DAB1: variants seen among roughly 807,000 people sequenced by gnomAD.
The protein encoded by DAB1 is disabled homolog 1.
DAB1 carries 15 observed loss-of-function variants against 64.6 expected under a neutral mutation model. The observed-to-expected ratio is 0.23, with a 90% CI of 0.16 to 0.36. The LOEUF (loss-of-function observed/expected upper bound fraction) is 0.36. DAB1 is among the 10% of genes least tolerant of loss of function. DAB1 has a pLI of 1.00. For synonymous variants in DAB1, 235 were observed against 251.9 expected, an observed-to-expected ratio of 0.93 and a Z score of 0.64; for missense variants, 596 against 706.7, an observed-to-expected ratio of 0.84 and a Z score of 1.78.
chr1:57,125,484 T>C (rs1243373796), intron 4 of DAB1, among the ~76,000 whole-genome samples: 1 of 152,072 alleles, frequency 6.6e-6, no homozygotes, highest in Non-Finnish European at 1.5e-5. Flanking sequence ...ATAGTAGGTA[T>C]CATATAATCT....
At chr1:57,567,156 A>G (rs1383284927) in intron 7 of DAB1, among the ~76,000 whole-genome samples, 4 of 152,222 alleles carry the variant, frequency 2.6e-5, no homozygotes, top group Non-Finnish European at 5.9e-5. Flanking sequence ...CAGCATATAA[A>G]CAGAACCAAA....
At chr1:58,006,540 T>C (rs1405530931) in intron 5 of DAB1, among the ~76,000 whole-genome samples, 1 of 152,182 alleles carries the variant, frequency 6.6e-6, no homozygotes, top group Non-Finnish European at 1.5e-5. Flanking sequence ...AGGCAAGGCA[T>C]GAGGTCCTGT....
At chr1:57,252,573 A>C (rs979157912) in intron 2 of DAB1, among the ~76,000 whole-genome samples, 1 of 152,244 alleles carries the variant, frequency 6.6e-6, no homozygotes, top group African/African-American at 2.4e-5. Context: ...TGTACCTACT[A>C]TGTGCCAAAT....
At chr1:57,362,966 A>G (rs1362679248) in intron 1 of DAB1, among the ~76,000 whole-genome samples, 2 of 152,222 alleles carry the variant, frequency 1.3e-5, no homozygotes, top group East Asian at 3.9e-4. Flanking sequence ...AAGAGATGAA[A>G]TATTTGGACT....
At chr1:58,252,239 C>G (rs576204453) in intron 4 of DAB1, among the ~76,000 whole-genome samples, 1 of 152,266 alleles carries the variant, frequency 6.6e-6, no homozygotes, top group East Asian at 1.9e-4. Context: ...CAGGGGTTGC[C>G]TGTTTGTTGA....
chr1:57,756,004 A>T (rs1218987651), intron 6 of DAB1, among the ~76,000 whole-genome samples: 1 of 152,172 alleles, frequency 6.6e-6, no homozygotes, highest in Non-Finnish European at 1.5e-5. Context: ...AAATTTCGGA[A>T]AGAATATATT....
chr1:57,071,181 G>T, intron 6 of DAB1, 120 bp from the exon 7 acceptor site: 1 of 967,836 alleles, frequency 1.0e-6, no homozygotes, highest in Non-Finnish European at 1.6e-6. Context: ...GAGGCTGGTG[G>T]GCCATCAAGG....
intron 5 of DAB1, among the ~76,000 whole-genome samples, chr1:58,058,096 G>C (rs1158535017): frequency 6.6e-6 from 1 of 152,056 alleles, no homozygotes; most frequent in Non-Finnish European, 1.5e-5. Flanking sequence ...GGATTTGTGA[G>C]AACAATCCTC....
chr1:58,328,255 C>T (rs570237951), intron 4 of DAB1, among the ~76,000 whole-genome samples: 3 of 152,358 alleles, frequency 2.0e-5, no homozygotes, highest in African/African-American at 7.2e-5. Flanking sequence ...AACCTGCCAT[C>T]GCAGCTCCTA....
At chr1:57,727,662 CCTCTT>C (rs1002137963) in intron 6 of DAB1, among the ~76,000 whole-genome samples, 2 of 151,562 alleles carry the variant, frequency 1.3e-5, no homozygotes, top group African/African-American at 4.8e-5. Flanking sequence ...CTTTCTCTCT[CCTCTT>C]CTCTTTCTCC....
chr1:58,284,588 G>A (rs777781261), intron 4 of DAB1, among the ~76,000 whole-genome samples: 4 of 152,248 alleles, frequency 2.6e-5, no homozygotes, highest in Non-Finnish European at 5.9e-5. Flanking sequence ...TGACCACAGG[G>A]CTTATGTTCA....
At chr1:57,852,930 A>G (rs997057369) in intron 1 of DAB1, among the ~76,000 whole-genome samples, 1 of 152,168 alleles carries the variant, frequency 6.6e-6, no homozygotes, top group Admixed American at 6.5e-5. Context: ...ATTTGTGCTC[A>G]ATAGATATCT....
intron 2 of DAB1, among the ~76,000 whole-genome samples, chr1:57,177,695 C>T (rs1662475365): frequency 6.6e-6 from 1 of 152,164 alleles, no homozygotes. Flanking sequence ...GGAGGATTAT[C>T]ATCATTCTTA....
intron 7 of DAB1, among the ~76,000 whole-genome samples, chr1:57,476,301 A>G (rs1025660870): frequency 2.6e-5 from 4 of 151,840 alleles, no homozygotes; most frequent in African/African-American, 9.7e-5. Context: ...GAAAAAATGT[A>G]TATTTTATAT....
Position 57,347,923 on chromosome 1 carries a change from G to C in DAB1, c.-136-56757C>G, listed in dbSNP as rs533244119. Among the ~76,000 whole-genome samples the C allele has an allele frequency of 2.0e-5, 3 of 152,114 alleles. No individual in the cohort carries two copies. In the East Asian group the frequency reaches 5.8e-4, roughly 29 times the overall value. On this transcript the variant is annotated intron_variant, in intron 1 of 14. Coordinates refer to ENST00000371236, the MANE Select transcript of DAB1 (RefSeq NM_001365792.1). ...ACACTGCTGTTTAGGGATGAGCTTT[G>C]GGGTTCCATCACCCCTCTAAAACTG...
At chr1:58,504,148 CTCAAT>C (rs1645950271) in intron 3 of DAB1, among the ~76,000 whole-genome samples, 1 of 152,198 alleles carries the variant, frequency 6.6e-6, no homozygotes, top group Non-Finnish European at 1.5e-5. Context: ...CACTCCTCTG[CTCAAT>C]ATCCTCAACT....
At chr1:57,302,622 G>C (rs761168569) in intron 1 of DAB1, among the ~76,000 whole-genome samples, 10 of 151,922 alleles carry the variant, frequency 6.6e-5, no homozygotes, top group Non-Finnish European at 1.5e-4. Flanking sequence ...TTATGTTTTA[G>C]AGACAGAGTC....
chr1:57,909,952 A>T (rs1644615842), intron 5 of DAB1, among the ~76,000 whole-genome samples: 1 of 152,232 alleles, frequency 6.6e-6, no homozygotes. Context: ...ATTTATATAG[A>T]AGATGCAGCT....
chr1:57,187,012 C>T (rs1663632698), intron 2 of DAB1, among the ~76,000 whole-genome samples: 1 of 151,944 alleles, frequency 6.6e-6, no homozygotes, highest in Admixed American at 6.6e-5. Context: ...TATTGTCCCC[C>T]CAAAAAGATG....
Sources: gnomAD v4.1 joint callset for allele counts (sites outside exome capture counted in the v4.1 genomes callset) on GRCh38, gnomAD v4.1.1 for gene constraint, MANE v1.5 for transcripts, NCBI Gene and HGNC (gene_info 2026-07-23, HGNC 2026-07-21) for gene names.